HS3ST3A1: variants seen among roughly 807,000 people sequenced by gnomAD.
HS3ST3A1 encodes heparan sulfate glucosamine 3-O-sulfotransferase 3A1.
Under a neutral mutation model 25.7 loss-of-function variants are expected in HS3ST3A1, and 19 were observed. That is an observed-to-expected ratio of 0.74 (90% CI 0.52 to 1.08). HS3ST3A1 has a LOEUF of 1.08. HS3ST3A1 is among the 50% of genes least tolerant of loss of function. HS3ST3A1 has a pLI of 0.00. For synonymous variants in HS3ST3A1, 226 were observed against 278.6 expected, an observed-to-expected ratio of 0.81 and a Z score of 1.88; for missense variants, 459 against 594.3, an observed-to-expected ratio of 0.77 and a Z score of 2.37.
intron 1 of HS3ST3A1, among the ~76,000 whole-genome samples, chr17:13,498,942 T>C (rs1905368439): frequency 1.6e-5 from 2 of 124,876 alleles, no homozygotes. Flanking sequence ...TCCTCCTATT[T>C]TTGTTTTTTT....
intron 1 of HS3ST3A1, among the ~76,000 whole-genome samples, chr17:13,558,669 C>T (rs1907444530): frequency 6.6e-6 from 1 of 152,062 alleles, no homozygotes; most frequent in Non-Finnish European, 1.5e-5. Context: ...ACAAACATGG[C>T]AAAATATCAA....
intron 1 of HS3ST3A1, among the ~76,000 whole-genome samples, chr17:13,526,825 T>G (rs1402263338): frequency 6.6e-6 from 1 of 151,894 alleles, no homozygotes; most frequent in Admixed American, 6.6e-5. Context: ...TATTTTTTTT[T>G]GTATTTTTAG....
intron 1 of HS3ST3A1, among the ~76,000 whole-genome samples, chr17:13,500,493 C>A (rs915441204): frequency 2.0e-5 from 3 of 152,114 alleles, no homozygotes; most frequent in African/African-American, 7.2e-5. Context: ...AAGGTGTGGG[C>A]ACTGATAAAT....
intron 1 of HS3ST3A1, among the ~76,000 whole-genome samples, chr17:13,581,678 G>A (rs148119031): frequency 2.6e-5 from 4 of 152,260 alleles, no homozygotes; most frequent in African/African-American, 9.6e-5. Context: ...AATAAGTTAT[G>A]TTATATCAAT....
chr17:13,503,182 A>AG (rs1333026752), intron 1 of HS3ST3A1, among the ~76,000 whole-genome samples: 2 of 151,598 alleles, frequency 1.3e-5, no homozygotes, highest in East Asian at 3.9e-4. Flanking sequence ...TCAAAAAAAA[A>AG]AAAAAAAAAG....
At chr17:13,569,609 C>G (rs1398519208) in intron 1 of HS3ST3A1, among the ~76,000 whole-genome samples, 1 of 152,186 alleles carries the variant, frequency 6.6e-6, no homozygotes, top group East Asian at 1.9e-4. Flanking sequence ...CATGCCCTGC[C>G]AGCTCCTTCC....
intron 1 of HS3ST3A1, among the ~76,000 whole-genome samples, chr17:13,536,731 T>C (rs1401666232): frequency 6.6e-6 from 1 of 152,212 alleles, no homozygotes; most frequent in Non-Finnish European, 1.5e-5. Flanking sequence ...TTAGGCTCTC[T>C]GGGCATGTAA....
Position 13,595,783 on chromosome 17 carries a change from G to C in HS3ST3A1, c.599+4748C>G, listed in dbSNP as rs530456143. Among the ~76,000 whole-genome samples, 22 of 152,288 alleles carry C rather than the reference G, an allele frequency of 1.4e-4. 1 individual carries two copies. The South Asian group carries it at 3.7e-3, about 26-fold the overall frequency. On this transcript the variant is annotated intron_variant, in intron 1 of 1. Transcript: ENST00000284110. ...AGTTCCCGACTGGGCCCAGCAATTT[G>C]ACTGATGGTGATTGCAATTTGCAAT...
intron 1 of HS3ST3A1, among the ~76,000 whole-genome samples, chr17:13,585,237 T>A (rs1908225897): frequency 7.8e-6 from 1 of 128,944 alleles, no homozygotes; most frequent in Non-Finnish European, 1.6e-5. Context: ...TCTTGCTCTG[T>A]CGCCCAGGCT....
intron 1 of HS3ST3A1, chr17:13,543,398 G>A (rs1160265244): frequency 6.6e-6 from 1 of 151,828 alleles, no homozygotes; most frequent in Non-Finnish European, 1.5e-5. Context: ...CGAGAGATGT[G>A]TGGAAGTAGA....
At chr17:13,561,628 G>A (rs1045660461) in intron 1 of HS3ST3A1, among the ~76,000 whole-genome samples, 16 of 152,000 alleles carry the variant, frequency 1.1e-4, no homozygotes, top group Admixed American at 9.8e-4. Flanking sequence ...TCCTGACCTC[G>A]TGATCCAACC....
chr17:13,590,436 T>C (rs1908394491), intron 1 of HS3ST3A1, among the ~76,000 whole-genome samples: 2 of 152,188 alleles, frequency 1.3e-5, no homozygotes. Context: ...TGGGCAATTA[T>C]TTCCCAATTG....
intron 1 of HS3ST3A1, among the ~76,000 whole-genome samples, chr17:13,543,930 A>T (rs1203383532): frequency 2.6e-5 from 4 of 152,196 alleles, no homozygotes; most frequent in Non-Finnish European, 5.9e-5. Context: ...GGTTACCACT[A>T]AGTAGCTCAT....
At chr17:13,553,859 T>C (rs1223209797) in intron 1 of HS3ST3A1, among the ~76,000 whole-genome samples, 1 of 152,192 alleles carries the variant, frequency 6.6e-6, no homozygotes, top group Non-Finnish European at 1.5e-5. Context: ...GCCCCTGACC[T>C]AACTATCCAC....
chr17:13,590,907 TGGG>T (rs36009056), intron 1 of HS3ST3A1, among the ~76,000 whole-genome samples: 20,853 of 151,500 alleles, frequency 0.14, 1,455 homozygotes, highest in East Asian at 0.19. Context: ...AGCACTGGAT[TGGG>T]GGGGGATCCC....
intron 1 of HS3ST3A1, among the ~76,000 whole-genome samples, chr17:13,542,377 C>G (rs919321332): frequency 6.6e-6 from 1 of 150,878 alleles, no homozygotes; most frequent in Non-Finnish European, 1.5e-5. Context: ...GAGTAGATCC[C>G]TGATCCAACA....
intron 1 of HS3ST3A1, among the ~76,000 whole-genome samples, chr17:13,548,641 G>C (rs935474278): frequency 3.9e-5 from 6 of 152,180 alleles, no homozygotes; most frequent in Non-Finnish European, 5.9e-5. Context: ...TCTGGGTCGG[G>C]CGGGGACTTG....
At chr17:13,501,513 TA>T (rs1905475576) in intron 1 of HS3ST3A1, among the ~76,000 whole-genome samples, 1 of 152,200 alleles carries the variant, frequency 6.6e-6, no homozygotes, top group Non-Finnish European at 1.5e-5. Context: ...CTGGTTTTGC[TA>T]AAAGGGAAAT....
At chr17:13,593,226 T>C (rs935595655) in intron 1 of HS3ST3A1, among the ~76,000 whole-genome samples, 2 of 100,718 alleles carry the variant, frequency 2.0e-5, no homozygotes. Flanking sequence ...CCTTCTATGT[T>C]TGTAGCCAAA....
Sources: gnomAD v4.1 joint callset for allele counts (sites outside exome capture counted in the v4.1 genomes callset) on GRCh38, gnomAD v4.1.1 for gene constraint, MANE v1.5 for transcripts, NCBI Gene and HGNC (gene_info 2026-07-23, HGNC 2026-07-21) for gene names.